PCDHGA2: variants seen among roughly 807,000 people sequenced by gnomAD.
PCDHGA2 encodes protocadherin gamma-A2.
A neutral mutation model predicts 59.2 loss-of-function variants in PCDHGA2; 40 were observed. That is an observed-to-expected ratio of 0.68 (90% CI 0.52 to 0.88). PCDHGA2 has a LOEUF of 0.88. PCDHGA2 is among the 40% of genes least tolerant of loss of function. PCDHGA2 has a pLI of 0.00. For missense variants in PCDHGA2, 1,226 were observed against 1,204.0 expected, an observed-to-expected ratio of 1.02 and a Z score of -0.27; for synonymous variants, 560 against 526.0, an observed-to-expected ratio of 1.06 and a Z score of -0.89.
At chr5:141,341,724 A>C in intron 1 of PCDHGA2, 10 of 441,008 alleles carry the variant, frequency 2.3e-5, no homozygotes, top group South Asian at 9.6e-5. Flanking sequence ...CAGATCAACA[A>C]TTTTTTCTTT....
At position 141,432,540 on chromosome 5, in the gene PCDHGA2, T is replaced by A. The variant is rs147884705; in HGVS notation, c.2425-62267T>A. 7.6e-4 allele frequency: 1,222 copies of A among 1,613,608 alleles called. 1 individual carries two copies. The highest frequency in any genetic ancestry group is 1.1e-3 in the Admixed American group (64 of 59,988). ...TACCTGGTGACCAAGGTGGTGGCGG[T>A]GGACAGAGACTCCGGCCAGAACGCC... On this transcript the variant is annotated intron_variant, in intron 1 of 3. Transcript: ENST00000394576. This position sits in a 1 kb window ranked among gnomAD's most constrained non-coding sequence, Gnocchi z 6.0.
intron 1 of PCDHGA2, chr5:141,352,253 C>A (rs752340715): frequency 1.2e-6 from 2 of 1,614,100 alleles, no homozygotes; most frequent in Admixed American, 3.3e-5. Flanking sequence ...GGATAGCCTG[C>A]AAGAGGTATT....
Position 141,355,978 on chromosome 5 carries a change from C to T in PCDHGA2, c.2424+14583C>T, listed in dbSNP as rs771818833. On this transcript the variant is annotated intron_variant, in intron 1 of 3. Transcript: ENST00000394576. ...TCGTGAGAACGTTCCTGTAGGCACT[C>T]GGCTACTCACCGTAAAAGCCACTGA... 8 of 1,613,708 alleles carry T rather than the reference C, an allele frequency of 5.0e-6. No homozygotes were observed. In the Admixed American group the frequency reaches 1.2e-4, roughly 24 times the overall value.
chr5:141,403,340 G>T, intron 1 of PCDHGA2: 3 of 1,613,982 alleles, frequency 1.9e-6, no homozygotes, highest in African/African-American at 1.3e-5. Flanking sequence ...TAACGACAGC[G>T]CCCCAAAGTT....
chr5:141,496,277 T>C (rs1484877198), intron 2 of PCDHGA2, among the ~76,000 whole-genome samples: 1 of 152,134 alleles, frequency 6.6e-6, no homozygotes, highest in Non-Finnish European at 1.5e-5. Context: ...AGACCTTCAG[T>C]TGGTCTGAGC....
chr5:141,449,622 T>A (rs889336036), intron 1 of PCDHGA2, among the ~76,000 whole-genome samples: 1 of 150,910 alleles, frequency 6.6e-6, no homozygotes, highest in African/African-American at 2.4e-5. Context: ...AAAAGTTTTT[T>A]AAAAAGATGT....
At chr5:141,398,675 A>C (rs1462726875) in intron 1 of PCDHGA2, 1 of 1,613,974 alleles carries the variant, frequency 6.2e-7, no homozygotes, top group Non-Finnish European at 8.5e-7. Flanking sequence ...TTAATAATTA[A>C]GGAGAAACAG....
chr5:141,441,993 G>T (rs577673608), intron 1 of PCDHGA2: 16 of 251,180 alleles, frequency 6.4e-5, no homozygotes, highest in East Asian at 3.9e-4. Flanking sequence ...CACCGACGAG[G>T]TGCTGACAGC....
At position 141,511,112 on chromosome 5, in the gene PCDHGA2, G is replaced by A. The variant is rs767257788; in HGVS notation, c.2738G>A (p.Gly913Asp). The change falls in exon 4 of 4, where the codon GGC (glycine) becomes GAC (aspartate). Residue 913 changes from glycine (G) to aspartate (D), a missense_variant. Transcript: ENST00000394576. ...ACCAACGCAGCTGGCAAGCGGGATGGCAAGGCCCCAGCAGGTGGCAATGGC... is the reference window on the plus strand; with the variant it reads ...ACCAACGCAGCTGGCAAGCGGGATGACAAGGCCCCAGCAGGTGGCAATGGC... The part of the protein sequence containing the change: ...TLTNAAGKRD[G>D]KAPAGGNGNK... 1 of 1,614,232 alleles carries A rather than the reference G, an allele frequency of 6.2e-7. No individual in the cohort carries two copies.
At chr5:141,420,462 G>T in intron 1 of PCDHGA2, 2 of 892,618 alleles carry the variant, frequency 2.2e-6, no homozygotes. Context: ...ACTATTCAAA[G>T]ACATTTTAAA....
At chr5:141,352,389 G>T (rs768350578) in intron 1 of PCDHGA2, 5 of 1,614,006 alleles carry the variant, frequency 3.1e-6, no homozygotes, top group Non-Finnish European at 4.2e-6. Context: ...ATCGCCCTGC[G>T]CCTGCGACGT....
In PCDHGA2 at chr5:141,491,707, G is replaced by A. The variant is rs1337506934; in HGVS notation, c.2425-3100G>A. ...GCTGCGGGAGCGGAGCCAGGTGAGG[G>A]GCTCGGCGCCGCCCCGGGCGACCCC... On this transcript the variant is annotated intron_variant, in intron 1 of 3. Transcript: ENST00000394576. The surrounding 1 kb of genome is among the most constrained non-coding windows in gnomAD (Gnocchi z 6.9). The A allele has an allele frequency of 6.2e-6, 10 of 1,610,604 alleles. No homozygotes were observed. Among genetic ancestry groups the A allele is most frequent in the Admixed American group, 1.7e-5 (1 of 59,554 alleles).
At position 141,400,743 on chromosome 5, in the gene PCDHGA2, C is replaced by T. The variant is rs1404866842; in HGVS notation, c.2424+59348C>T. 6.5e-6 allele frequency: 4 copies of T among 611,214 alleles called. No individual in the cohort carries two copies. In the East Asian group the frequency reaches 1.1e-4, roughly 17 times the overall value. 37.9% of individuals were successfully genotyped at this position (611,214 alleles called of 1,614,324 possible). A position where few individuals can be genotyped will look rare whatever the true frequency, so the allele number is the denominator to read the frequency against. On this transcript the variant is annotated intron_variant, in intron 1 of 3. Coordinates refer to ENST00000394576, the MANE Select transcript of PCDHGA2 (RefSeq NM_018915.4). ...ATTTACAAAGTAGTGAGAGTTTGCTCTTAGCTTCCTCTCTAGCAAAAACAT... is the reference window on the plus strand; with the variant it reads ...ATTTACAAAGTAGTGAGAGTTTGCTTTTAGCTTCCTCTCTAGCAAAAACAT...
intron 1 of PCDHGA2, among the ~76,000 whole-genome samples, chr5:141,369,464 C>G (rs1013896891): frequency 6.6e-6 from 1 of 152,072 alleles, no homozygotes; most frequent in African/African-American, 2.4e-5. Flanking sequence ...GCCAGGTGTT[C>G]TAGCCCAGCC....
In PCDHGA2 at chr5:141,459,848, C is replaced by T. The variant is rs573481876; in HGVS notation, c.2425-34959C>T. Among the ~76,000 whole-genome samples the T allele has an allele frequency of 1.1e-4, 16 of 152,244 alleles. No homozygotes were observed. In the South Asian group the frequency reaches 2.5e-3, roughly 24 times the overall value. ...TTTCATGTGTTGTCTATTTGTATATCTTCTTGAAGCATTCGTTCATCTTTA... is the reference window on the plus strand; with the variant it reads ...TTTCATGTGTTGTCTATTTGTATATTTTCTTGAAGCATTCGTTCATCTTTA... On this transcript the variant is annotated intron_variant, in intron 1 of 3. Transcript: ENST00000394576.
At chr5:141,492,240 C>T (rs1031016944) in intron 1 of PCDHGA2, among the ~76,000 whole-genome samples, 1 of 152,242 alleles carries the variant, frequency 6.6e-6, no homozygotes, top group African/African-American at 2.4e-5. Flanking sequence ...CTGCTGGCCA[C>T]CCCCACGGCC....
chr5:141,492,942 G>A (rs897160295), intron 1 of PCDHGA2, among the ~76,000 whole-genome samples: 3 of 152,220 alleles, frequency 2.0e-5, no homozygotes, highest in African/African-American at 7.2e-5. Context: ...GAGATTTGGA[G>A]GTGACCAAAC....
chr5:141,385,704 T>C (rs1297599541), intron 1 of PCDHGA2: 1 of 268,260 alleles, frequency 3.7e-6, no homozygotes. Context: ...CTCTTTAGCA[T>C]TCAAATATGT....
chr5:141,351,852 G>A (rs1234964574), intron 1 of PCDHGA2: 3 of 1,613,262 alleles, frequency 1.9e-6, no homozygotes, highest in Non-Finnish European at 8.5e-7. Flanking sequence ...CTGCAGGCCA[G>A]GGACCAGGGC....
Sources: allele counts gnomAD v4.1 joint callset (sites outside exome capture counted in the v4.1 genomes callset), GRCh38; gene constraint gnomAD v4.1.1; non-coding constraint Gnocchi (gnomAD v3.1); transcripts MANE v1.5; gene names NCBI Gene and HGNC (gene_info 2026-07-23, HGNC 2026-07-21).